EPC2: variants seen among roughly 807,000 people sequenced by gnomAD.
EPC2 encodes enhancer of polycomb homolog 2.
Under a neutral mutation model 92.1 loss-of-function variants are expected in EPC2, and 14 were observed. The observed-to-expected ratio is 0.15, with a 90% CI of 0.10 to 0.24. The LOEUF (loss-of-function observed/expected upper bound fraction) is 0.24, where lower values mean the gene tolerates loss of function less well. EPC2 is among the 10% of genes least tolerant of loss of function. The pLI, the probability that EPC2 is intolerant of heterozygous loss-of-function variation, is 1.00. For missense variants in EPC2, 755 were observed against 971.5 expected, an observed-to-expected ratio of 0.78 and a Z score of 2.96; for synonymous variants, 340 against 334.7, an observed-to-expected ratio of 1.02 and a Z score of -0.17.
intron 3 of EPC2, among the ~76,000 whole-genome samples, chr2:148,753,713 A>T (rs1294015667): frequency 6.6e-6 from 1 of 152,136 alleles, no homozygotes; most frequent in Non-Finnish European, 1.5e-5. Context: ...CAGTGGTACA[A>T]CTCACTGTCT....
chr2:148,691,652 G>C (rs1390014365), intron 2 of EPC2: 17 of 1,539,082 alleles, frequency 1.1e-5, no homozygotes, highest in Non-Finnish European at 1.3e-5. Context: ...CGGAGACCAC[G>C]TTAAAGTTTT....
intron 12 of EPC2, 40 bp downstream of exon 12, chr2:148,783,796 T>C (rs1054928664): frequency 1.3e-6 from 2 of 1,548,962 alleles, no homozygotes; most frequent in Non-Finnish European, 1.8e-6. Flanking sequence ...TTTCTTGAAG[T>C]TGTAACTCAG....
intron 2 of EPC2, among the ~76,000 whole-genome samples, chr2:148,704,421 C>T (rs1342187660): frequency 6.6e-6 from 1 of 152,016 alleles, no homozygotes; most frequent in Non-Finnish European, 1.5e-5. Context: ...AGATGAAAAG[C>T]ATTAGGGAGA....
chr2:148,691,291 T>G (rs916352779), intron 2 of EPC2, among the ~76,000 whole-genome samples: 21 of 152,340 alleles, frequency 1.4e-4, no homozygotes, highest in Admixed American at 5.2e-4. Flanking sequence ...TCTTGTTATC[T>G]TGTCAGGTGT....
chr2:148,652,977 TATC>T (rs1318133699), intron 1 of EPC2, among the ~76,000 whole-genome samples: 2 of 152,210 alleles, frequency 1.3e-5, no homozygotes, highest in Non-Finnish European at 2.9e-5. Flanking sequence ...AATTTTCTAG[TATC>T]ATTTTTCTCA....
Position 148,644,799 on chromosome 2 carries a change from C to T in EPC2, c.-219C>T, listed in dbSNP as rs1033416958. Among the ~76,000 whole-genome samples, 2 of 111,316 alleles carry T rather than the reference C, an allele frequency of 1.8e-5. No homozygotes were observed. Among genetic ancestry groups the T allele is most frequent in the African/African-American group, 7.1e-5 (2 of 27,998 alleles). The allele number at this position is 111,316 out of a possible 152,430, so 73.0% of individuals were successfully genotyped here. A position where few individuals can be genotyped will look rare whatever the true frequency, so the allele number is the denominator to read the frequency against. ...TGGCGCAGGGAGCGGATCGGGCGGG[C>T]GAGCGGCGGATCTAGTGTGTGGAGG... is the stretch of plus-strand genomic sequence containing the variant. On this transcript the variant is annotated 5_prime_UTR_variant, in exon 1 of 14. Transcript: ENST00000258484.
At chr2:148,744,066 C>T (rs924358141) in intron 3 of EPC2, among the ~76,000 whole-genome samples, 42 of 152,044 alleles carry the variant, frequency 2.8e-4, no homozygotes, top group African/African-American at 9.9e-4. Flanking sequence ...ACTAAATTTG[C>T]TTGCTTGGAT....
At chr2:148,711,147 A>G (rs1210018109) in intron 2 of EPC2, among the ~76,000 whole-genome samples, 1 of 148,286 alleles carries the variant, frequency 6.7e-6, no homozygotes. Flanking sequence ...TTGCTCTTCT[A>G]GTTTTCTAAA....
At chr2:148,733,425 C>T (rs1425160632) in intron 2 of EPC2, among the ~76,000 whole-genome samples, 1 of 147,040 alleles carries the variant, frequency 6.8e-6, no homozygotes, top group Non-Finnish European at 1.5e-5. Context: ...ATATTCTTCT[C>T]CTTTTCTCCT....
Position 148,785,516 on chromosome 2 carries a change from C to T in EPC2, c.2351+515C>T, listed in dbSNP as rs1052173371. Among the ~76,000 whole-genome samples, 4 of 152,040 alleles carry T rather than the reference C, an allele frequency of 2.6e-5. No homozygotes were observed. In the East Asian group the frequency reaches 5.8e-4, roughly 22 times the overall value. ...CTAATTTTTGTATTTTTAGTAGAGA[C>T]GGGGTTTCACCATGTTGGCCGGGAT... On this transcript the variant is annotated intron_variant, in intron 13 of 13. Coordinates refer to ENST00000258484, the MANE Select transcript of EPC2 (RefSeq NM_015630.4).
intron 2 of EPC2, among the ~76,000 whole-genome samples, chr2:148,707,227 A>G (rs775526376): frequency 1.8e-4 from 28 of 152,234 alleles, no homozygotes; most frequent in Non-Finnish European, 3.7e-4. Context: ...ACTTCATACC[A>G]ACAAAGATCA....
At position 148,779,872 on chromosome 2, in the gene EPC2, T is replaced by C. The variant is rs146011319; in HGVS notation, c.1721-1772T>C. Among the ~76,000 whole-genome samples the C allele has an allele frequency of 1.2e-3, 187 of 152,306 alleles. 1 individual carries two copies. Among genetic ancestry groups the C allele is most frequent in the African/African-American group, 4.2e-3 (176 of 41,578 alleles). On this transcript the variant is annotated intron_variant, in intron 10 of 13. Coordinates refer to ENST00000258484, the MANE Select transcript of EPC2 (RefSeq NM_015630.4). ...ATACCAGATTCCAAGTCCATTTCTT[T>C]TGAATTGGTGCACTGTACACATGGG...
At chr2:148,673,465 T>G (rs1408815778) in intron 1 of EPC2, among the ~76,000 whole-genome samples, 1 of 152,234 alleles carries the variant, frequency 6.6e-6, no homozygotes, top group Admixed American at 6.5e-5. Context: ...AGTCTGCTGT[T>G]GAACCTCTCT....
intron 2 of EPC2, chr2:148,691,919 T>G (rs1421113051): frequency 2.2e-6 from 1 of 460,702 alleles, no homozygotes; most frequent in Non-Finnish European, 4.2e-6. Flanking sequence ...CACACAAGCA[T>G]AAAGCTTTTT....
At chr2:148,697,634 A>G (rs12997162) in intron 2 of EPC2, among the ~76,000 whole-genome samples, 27,566 of 152,164 alleles carry the variant, frequency 0.18, 3,576 homozygotes, top group East Asian at 0.48. Flanking sequence ...TTTGAGTTTT[A>G]TAAATCAAAG....
intron 5 of EPC2, 178 bp downstream of exon 5, chr2:148,762,108 T>C: frequency 2.1e-6 from 1 of 480,818 alleles, no homozygotes; most frequent in Non-Finnish European, 3.5e-6. Flanking sequence ...AAGTTATCAA[T>C]TTGGATTGCA....
intron 2 of EPC2, among the ~76,000 whole-genome samples, chr2:148,693,520 T>C (rs1296602228): frequency 6.6e-6 from 1 of 152,248 alleles, no homozygotes; most frequent in Non-Finnish European, 1.5e-5. Context: ...TTTCCCTATG[T>C]GTTCTTCCAC....
intron 1 of EPC2, among the ~76,000 whole-genome samples, chr2:148,681,649 C>T (rs1681399906): frequency 6.6e-6 from 1 of 151,770 alleles, no homozygotes; most frequent in South Asian, 2.1e-4. Context: ...CTGACTATGA[C>T]CTATTAGTGG....
At chr2:148,763,727 A>G (rs543305936) in intron 6 of EPC2, among the ~76,000 whole-genome samples, 3 of 152,308 alleles carry the variant, frequency 2.0e-5, no homozygotes, top group South Asian at 4.1e-4. Flanking sequence ...GATTCTCTCT[A>G]AATCTCGCTT....
Sources: gnomAD v4.1 joint callset for allele counts (sites outside exome capture counted in the v4.1 genomes callset) on GRCh38, gnomAD v4.1.1 for gene constraint, MANE v1.5 for transcripts, NCBI Gene and HGNC (gene_info 2026-07-23, HGNC 2026-07-21) for gene names.